MARCKS: variants seen among roughly 807,000 people sequenced by gnomAD.
MARCKS encodes myristoylated alanine-rich C-kinase substrate.
In MARCKS, 4 loss-of-function variants were observed where a neutral mutation model predicts 6.3. The observed-to-expected ratio is 0.63, with a 90% confidence interval of 0.31 to 1.45. The LOEUF is 1.45. MARCKS is among the 40% of genes most tolerant of loss of function. The pLI is 0.07. For missense variants in MARCKS, 636 were observed against 485.7 expected, an observed-to-expected ratio of 1.31 and a Z score of -2.91; for synonymous variants, 289 against 236.5, an observed-to-expected ratio of 1.22 and a Z score of -2.04.
chr6:113,860,036 A>C lies in MARCKS; in HGVS notation c.456A>C (p.Lys152Asn). ...CCTCGCCCAGCAACGAGACCCCGAAAAAAAAAAAGAAGCGCTTTTCCTTCA... is the reference window on the plus strand; with the variant it reads ...CCTCGCCCAGCAACGAGACCCCGAACAAAAAAAAGAAGCGCTTTTCCTTCA... ...ATPSPSNETP[K>N]KKKKRFSFKK... The change falls in exon 2 of 2, where the codon AAA (lysine) becomes AAC (asparagine). Residue 152 changes from lysine to asparagine, a missense_variant. Coordinates refer to ENST00000612661, the MANE Select transcript of MARCKS (RefSeq NM_002356.7). 6.4e-7 allele frequency: 1 copy of C among 1,569,384 alleles called. No homozygotes were observed. The highest frequency in any genetic ancestry group is 8.6e-7 in the Non-Finnish European group (1 of 1,160,324).
Position 113,860,172 on chromosome 6 carries a change from G to A in MARCKS, c.592G>A (p.Gly198Arg), listed in dbSNP as rs1392637424. 1.4e-5 allele frequency: 18 copies of A among 1,317,032 alleles called. No individual in the cohort carries two copies. In the Middle Eastern group the frequency reaches 8.8e-4, roughly 64 times the overall value. The allele number at this position is 1,317,032 out of a possible 1,614,324, so 81.6% of individuals were successfully genotyped here. A position where few individuals can be genotyped will look rare whatever the true frequency, so the allele number is the denominator to read the frequency against. ...CGAAGGCGGCAAGGACGAGGCCGCC[G>A]GGGGCGCAGCTGCGGCCGCCGCCGA... ...AAEGGKDEAA[G>R]GAAAAAAEAG... Residue 198 changes from glycine to arginine, a missense_variant, in exon 2 of 2, where the codon GGG becomes AGG. By Grantham distance (125) the Gly-to-Arg change is moderately radical. Coordinates refer to ENST00000612661, the MANE Select transcript of MARCKS (RefSeq NM_002356.7).
Position 113,860,118 on chromosome 6 carries a change from GA to G in MARCKS, c.540del (p.Gly181AlafsTer188). The G allele has an allele frequency of 6.5e-7, 1 of 1,549,150 alleles. No homozygotes were observed. The highest frequency in any genetic ancestry group is 2.6e-5 in the East Asian group (1 of 38,836). ...SFKKNKKEAG[E>X]GGEAEAPAAE... ...CAAGAAGAACAAGAAGGAGGCTGGA[GA>G]AGGCGGTGAGGCTGAGGCGCCCGCT... is the stretch of plus-strand genomic sequence containing the variant. On this transcript the variant is annotated frameshift_variant, in exon 2 of 2. Coordinates refer to ENST00000612661, the MANE Select transcript of MARCKS (RefSeq NM_002356.7). LOFTEE classifies it low-confidence loss of function (END_TRUNC).
In MARCKS at chr6:113,860,575, A is replaced by C. The variant is rs1774882794; in HGVS notation, c.995A>C (p.Glu332Ala). Residue 332 changes from glutamate (E) to alanine (A), a missense_variant, in exon 2 of 2, where the codon GAG becomes GCG. Coordinates refer to ENST00000612661, the MANE Select transcript of MARCKS (RefSeq NM_002356.7). The part of the protein sequence containing the change: ...SPEAPPAEAA[E>A] The stretch of plus-strand genomic sequence containing the variant: ...GAAGCCCCCCCAGCGGAGGCGGCAG[A>C]GTAAAAGAGCAAGCTTTTGTGAGAT... 6.4e-7 allele frequency: 1 copy of C among 1,552,256 alleles called. No individual in the cohort carries two copies. The highest frequency in any genetic ancestry group is 8.7e-7 in the Non-Finnish European group (1 of 1,154,092).
intron 1 of MARCKS, 148 bp from the exon 2 acceptor site, chr6:113,859,535 G>C: frequency 1.6e-6 from 1 of 618,678 alleles, no homozygotes; most frequent in Non-Finnish European, 2.4e-6. Context: ...GCATCCACCC[G>C]CGCCTCCCTC....
chr6:113,860,545 G>A lies in MARCKS; in HGVS notation c.965G>A (p.Ser322Asn). 1.3e-6 allele frequency: 2 copies of A among 1,560,688 alleles called. No homozygotes were observed. The highest frequency in any genetic ancestry group is 1.7e-6 in the Non-Finnish European group (2 of 1,157,914). Residue 322 changes from serine (S) to asparagine (N), a missense_variant, in exon 2 of 2, where the codon AGT becomes AAT. Physicochemically the swap from Ser to Asn is conservative, Grantham distance 46. Transcript: ENST00000612661. ...APSQEAQPEC[S>N]PEAPPAEAAE Reference sequence around the variant, plus strand: ...TCACAGGAGGCCCAGCCCGAGTGCAGTCCAGAAGCCCCCCCAGCGGAGGCG... The same window carrying A: ...TCACAGGAGGCCCAGCCCGAGTGCAATCCAGAAGCCCCCCCAGCGGAGGCG...
chr6:113,858,272 G>GA (rs1774819437), intron 1 of MARCKS, among the ~76,000 whole-genome samples: 1 of 151,936 alleles, frequency 6.6e-6, no homozygotes, highest in African/African-American at 2.4e-5. Context: ...GTGGCGGGGG[G>GA]GGGAGTCGGG....
Position 113,860,642 on chromosome 6 carries a change from GC to G in MARCKS, c.*65del. ...TCCCCCGTTTGTTTGTTGGAGTGGT[GC>G]CAGGTACTGGTTTTGGAGAACTTGT... On this transcript the variant is annotated 3_prime_UTR_variant, in exon 2 of 2. Transcript: ENST00000612661. 8.1e-7 allele frequency: 1 copy of G among 1,230,942 alleles called. No individual in the cohort carries two copies. The highest frequency in any genetic ancestry group is 1.1e-6 in the Non-Finnish European group (1 of 915,138). 76.3% of individuals were successfully genotyped at this position (1,230,942 alleles called of 1,614,324 possible). A position where few individuals can be genotyped will look rare whatever the true frequency, so the allele number is the denominator to read the frequency against.
chr6:113,859,620 TG>T (rs1031464019), intron 1 of MARCKS, 62 bp from the exon 2 acceptor site: 3 of 1,373,706 alleles, frequency 2.2e-6, no homozygotes, highest in Admixed American at 3.0e-5. Flanking sequence ...GGTCCAGGGC[TG>T]GGGGCGGGAA....
rs1562118205 is a variant in MARCKS, at chr6:113,860,507, C to T, written c.927C>T (p.Ala309=). 6 of 1,536,226 alleles carry T rather than the reference C, an allele frequency of 3.9e-6. No individual in the cohort carries two copies. The highest frequency in any genetic ancestry group is 5.2e-6 in the Non-Finnish European group (6 of 1,144,028). Residue 309 remains alanine (A), a synonymous_variant, in exon 2 of 2, where the codon GCC becomes GCT. Transcript: ENST00000612661. ...CCGCGGCCGCCGCAGCCTCGTCAGCCTGCGCAGCCCCCTCACAGGAGGCCC... is the reference window on the plus strand; with the variant it reads ...CCGCGGCCGCCGCAGCCTCGTCAGCTTGCGCAGCCCCCTCACAGGAGGCCC... ...EEPAAAAASS[A]CAAPSQEAQP... is the part of the protein sequence containing the mutation.
chr6:113,859,594 G>GT (rs1774843661), intron 1 of MARCKS, 89 bp from the exon 2 acceptor site: 2 of 1,195,126 alleles, frequency 1.7e-6, no homozygotes, highest in Non-Finnish European at 2.2e-6. Context: ...GCCTTAGGGG[G>GT]AAGCGGGGCA....
chr6:113,861,126 T>G lies in MARCKS; in HGVS notation c.*547T>G, dbSNP rs1231510596. The G allele has an allele frequency of 6.6e-6, 1 of 150,422 alleles. No homozygotes were observed. Among genetic ancestry groups the G allele is most frequent in the Non-Finnish European group, 1.5e-5 (1 of 67,702 alleles). 9.3% of individuals were successfully genotyped at this position (150,422 alleles called of 1,614,324 possible). A position where few individuals can be genotyped will look rare whatever the true frequency, so the allele number is the denominator to read the frequency against. ...ATTACCATGTATTTTGTGAGGCAGG[T>G]TTACAACACTACAAGTCTTGAGTTA... On this transcript the variant is annotated 3_prime_UTR_variant, in exon 2 of 2. Coordinates refer to ENST00000612661, the MANE Select transcript of MARCKS (RefSeq NM_002356.7).
At position 113,859,835 on chromosome 6, in the gene MARCKS, C is replaced by G. The variant is rs1774854607; in HGVS notation, c.255C>G (p.Ala85=). ...AGSGAASPSA[A]EKGEPAAAAA... is the part of the protein sequence containing the mutation. ...GCGGGGCGGCGTCGCCCTCCGCGGC[C>G]GAGAAAGGTGAGCCGGCCGCCGCCG... is the stretch of plus-strand genomic sequence containing the variant. Residue 85 remains alanine, a synonymous_variant, in exon 2 of 2, where the codon GCC becomes GCG. Coordinates refer to ENST00000612661, the MANE Select transcript of MARCKS (RefSeq NM_002356.7). 3.9e-6 allele frequency: 5 copies of G among 1,291,314 alleles called. No individual in the cohort carries two copies. In the South Asian group the frequency reaches 9.1e-5, roughly 23 times the overall value. The allele number at this position is 1,291,314 out of a possible 1,614,324, so 80.0% of individuals were successfully genotyped here. A position where few individuals can be genotyped will look rare whatever the true frequency, so the allele number is the denominator to read the frequency against.
At chr6:113,858,056 A>T (rs1774815000) in intron 1 of MARCKS, among the ~76,000 whole-genome samples, 1 of 152,146 alleles carries the variant, frequency 6.6e-6, no homozygotes, top group African/African-American at 2.4e-5. Flanking sequence ...AGAATTCTTG[A>T]GTAGACGGGA....
rs1195721631 is a variant in MARCKS at position 113,859,828 on chromosome 6, C to T, written c.248C>T (p.Ser83Phe). 4.6e-6 allele frequency: 6 copies of T among 1,293,144 alleles called. No homozygotes were observed. Among genetic ancestry groups the T allele is most frequent in the African/African-American group, 3.1e-5 (2 of 63,648 alleles). The allele number at this position is 1,293,144 out of a possible 1,614,324, so 80.1% of individuals were successfully genotyped here. A position where few individuals can be genotyped will look rare whatever the true frequency, so the allele number is the denominator to read the frequency against. The change falls in exon 2 of 2, where the codon TCC becomes TTC. Residue 83 changes from serine (S) to phenylalanine (F), a missense_variant. Transcript: ENST00000612661. Reference protein sequence around the residue: ...AAAGSGAASPSAAEKGEPAAA... With the variant: ...AAAGSGAASPFAAEKGEPAAA... ...GCCGGGAGCGGGGCGGCGTCGCCCT[C>T]CGCGGCCGAGAAAGGTGAGCCGGCC...
rs779621026 is a variant in MARCKS at position 113,857,774 on chromosome 6, C to G, written c.29C>G (p.Ala10Gly). 1.4e-5 allele frequency: 22 copies of G among 1,608,970 alleles called. No individual in the cohort carries two copies. Among genetic ancestry groups the G allele is most frequent in the Non-Finnish European group, 1.9e-5 (22 of 1,177,882 alleles). MGAQFSKTA[A>G]KGEAAAERPG... ...GGTGCCCAGTTCTCCAAGACCGCAG[C>G]GAAGGGAGAAGCCGCCGCGGAGAGG... is the stretch of plus-strand genomic sequence containing the variant. Residue 10 changes from alanine (A) to glycine (G), a missense_variant, in exon 1 of 2, where the codon GCG (alanine) becomes GGG (glycine). Physicochemically the swap from Ala to Gly is moderately conservative, Grantham distance 60. Transcript: ENST00000612661.
chr6:113,861,140 A>C lies in MARCKS; in HGVS notation c.*561A>C, dbSNP rs1393002070. ...TGTGAGGCAGGTTTACAACACTACA[A>C]GTCTTGAGTTAAGAAGGAAAGAGGA... On this transcript the variant is annotated 3_prime_UTR_variant, in exon 2 of 2. Coordinates refer to ENST00000612661, the MANE Select transcript of MARCKS (RefSeq NM_002356.7). 6.6e-6 allele frequency: 1 copy of C among 151,610 alleles called. No homozygotes were observed. Among genetic ancestry groups the C allele is most frequent in the Non-Finnish European group, 1.5e-5 (1 of 67,814 alleles). The allele number at this position is 151,610 out of a possible 1,614,324, so 9.4% of individuals were successfully genotyped here. A position where few individuals can be genotyped will look rare whatever the true frequency, so the allele number is the denominator to read the frequency against.
In MARCKS at chr6:113,860,134, A is replaced by G. The variant is rs767199531; in HGVS notation, c.554A>G (p.Glu185Gly). Residue 185 changes from glutamate (E) to glycine (G), a missense_variant, in exon 2 of 2, where the codon GAG becomes GGG. Physicochemically the swap from Glu to Gly is moderately conservative, Grantham distance 98. Transcript: ENST00000612661. Reference sequence around the variant, plus strand: ...GAGGCTGGAGAAGGCGGTGAGGCTGAGGCGCCCGCTGCCGAAGGCGGCAAG... The same window carrying G: ...GAGGCTGGAGAAGGCGGTGAGGCTGGGGCGCCCGCTGCCGAAGGCGGCAAG... The part of the protein sequence containing the change: ...KKEAGEGGEA[E>G]APAAEGGKDE... 4.3e-5 allele frequency: 64 copies of G among 1,491,574 alleles called. No homozygotes were observed. Among genetic ancestry groups the G allele is most frequent in the Non-Finnish European group, 5.5e-5 (62 of 1,118,224 alleles). 92.4% of individuals were successfully genotyped at this position (1,491,574 alleles called of 1,614,324 possible).
chr6:113,860,268 G>A lies in MARCKS; in HGVS notation c.688G>A (p.Ala230Thr). ...GGCGGCAGCGGGCGAGGAGGGGGCG[G>A]CGGGTGGCGACCCGCAGGAGGCCAA... Reference protein sequence around the residue: ...EEAAAGEEGAAGGDPQEAKPQ... With the variant: ...EEAAAGEEGATGGDPQEAKPQ... Residue 230 changes from alanine (A) to threonine (T), a missense_variant, in exon 2 of 2, where the codon GCG becomes ACG. By Grantham distance (58) the Ala-to-Thr change is moderately conservative. Transcript: ENST00000612661. The A allele has an allele frequency of 3.4e-6, 4 of 1,181,246 alleles. No homozygotes were observed. The highest frequency in any genetic ancestry group is 1.8e-5 in the South Asian group (1 of 57,128). 73.2% of individuals were successfully genotyped at this position (1,181,246 alleles called of 1,614,324 possible).
chr6:113,858,969 C>T (rs560022535), intron 1 of MARCKS, among the ~76,000 whole-genome samples: 3 of 152,278 alleles, frequency 2.0e-5, no homozygotes, highest in South Asian at 4.1e-4. Context: ...GCTTTGTTTG[C>T]GGACTGTTGG....
Sources: gnomAD v4.1 joint callset for allele counts (sites outside exome capture counted in the v4.1 genomes callset) on GRCh38, gnomAD v4.1.1 for gene constraint, MANE v1.5 for transcripts, NCBI Gene and HGNC (gene_info 2026-07-23, HGNC 2026-07-21) for gene names.